Variants in KPNA7 observed in about 807,000 individuals in gnomAD.
The protein encoded by KPNA7 is importin subunit alpha-8.
In KPNA7, 54 loss-of-function variants were observed where a neutral mutation model predicts 53.7. The observed-to-expected ratio is 1.01, with a 90% CI of 0.81 to 1.26. The LOEUF (loss-of-function observed/expected upper bound fraction) is 1.26. Ranked by LOEUF, KPNA7 falls within the 50% of genes most tolerant of loss-of-function variation. The probability of loss-of-function intolerance (pLI) is 0.00; values close to 1 mark genes in which losing one functional copy is unlikely to be tolerated. For synonymous variants in KPNA7, 276 were observed against 259.3 expected, an observed-to-expected ratio of 1.06 and a Z score of -0.62; for missense variants, 640 against 644.5, an observed-to-expected ratio of 0.99 and a Z score of 0.07.
At chr7:99,178,171 G>T in intron 9 of KPNA7, 105 bp from the exon 10 acceptor site, 1 of 964,946 alleles carries the variant, frequency 1.0e-6, no homozygotes, top group Non-Finnish European at 1.5e-6. Flanking sequence ...GCAGACCAAA[G>T]GCTACCATTC....
rs1491290467 is a variant in KPNA7 at position 99,184,153 on chromosome 7, CCT to C, written c.1134+774_1134+775del. 6.0e-5 allele frequency among the ~76,000 whole-genome samples: 5 copies of C among 82,914 alleles called. No homozygotes were observed. The East Asian group carries it at 1.3e-3, about 22-fold the overall frequency. 54.4% of individuals were successfully genotyped at this position (82,914 alleles called of 152,430 possible). On this transcript the variant is annotated intron_variant, in intron 8 of 10. Coordinates refer to ENST00000327442, the MANE Select transcript of KPNA7 (RefSeq NM_001145715.3). ...CATAAGCCACTGTGCCTGCCCACAA[CCT>C]TTTTTTTTTTTTTTTTTGAGACAGG...
At chr7:99,155,413 T>G in the KPNA7 span, among the ~76,000 whole-genome samples, 1 of 152,234 alleles carries the variant, frequency 6.6e-6, no homozygotes, top group African/African-American at 2.4e-5. Flanking sequence ...TGTCTGTTGA[T>G]TCTATAAATG....
intron 2 of KPNA7, among the ~76,000 whole-genome samples, chr7:99,203,509 A>C (rs1790653480): frequency 1.3e-5 from 2 of 152,028 alleles, no homozygotes; most frequent in Non-Finnish European, 2.9e-5. Flanking sequence ...CAGCTATAAA[A>C]ACACCCCAGC....
intron 7 of KPNA7, among the ~76,000 whole-genome samples, chr7:99,187,564 T>G (rs1789664162): frequency 6.7e-6 from 1 of 148,442 alleles, no homozygotes; most frequent in South Asian, 2.1e-4. Flanking sequence ...AATTTTTTTT[T>G]TTTTTTTTTG....
At chr7:99,177,452 C>G (rs1317910754) in intron 10 of KPNA7, among the ~76,000 whole-genome samples, 1 of 151,720 alleles carries the variant, frequency 6.6e-6, no homozygotes, top group Non-Finnish European at 1.5e-5. Flanking sequence ...GTACATCTCT[C>G]TAATCCCAGC....
the KPNA7 span, among the ~76,000 whole-genome samples, chr7:99,152,843 G>A: frequency 4.5e-4 from 69 of 152,242 alleles, no homozygotes; most frequent in Non-Finnish European, 8.7e-4. Flanking sequence ...GAGGGCTGCC[G>A]TGCCTCTCTT....
intron 1 of KPNA7, among the ~76,000 whole-genome samples, 38 bp downstream of exon 1, chr7:99,207,990 A>G (rs1429180278): frequency 2.0e-5 from 3 of 151,596 alleles, no homozygotes; most frequent in Non-Finnish European, 4.4e-5. Flanking sequence ...ACCCATATAC[A>G]CAGCACAGAC....
At chr7:99,193,930 T>C (rs1790094984) in intron 5 of KPNA7, among the ~76,000 whole-genome samples, 1 of 152,158 alleles carries the variant, frequency 6.6e-6, no homozygotes, top group African/African-American at 2.4e-5. Context: ...CTCCCACCTC[T>C]GCCTCCTAAA....
At chr7:99,204,536 T>C (rs1441819138) in intron 2 of KPNA7, among the ~76,000 whole-genome samples, 1 of 152,198 alleles carries the variant, frequency 6.6e-6, no homozygotes, top group Non-Finnish European at 1.5e-5. Flanking sequence ...GAAGTCACCA[T>C]GTATTAGATA....
chr7:99,182,069 C>A lies in KPNA7; in HGVS notation c.1135-4G>T, dbSNP rs1405204999. 6.6e-7 allele frequency: 1 copy of A among 1,526,402 alleles called. No individual in the cohort carries two copies. Among genetic ancestry groups the A allele is most frequent in the Admixed American group, 2.1e-5 (1 of 48,690 alleles). The allele number at this position is 1,526,402 out of a possible 1,614,324, so 94.6% of individuals were successfully genotyped here. On this transcript the variant is annotated splice_polypyrimidine_tract_variant and splice_region_variant and intron_variant, in intron 8 of 10. Transcript: ENST00000327442. ...CTTTCTGGACTTTAAATTCTCCCTGCAGAACAAGAATGTTTCCATTCTCTA... is the reference window on the plus strand; with the variant it reads ...CTTTCTGGACTTTAAATTCTCCCTGAAGAACAAGAATGTTTCCATTCTCTA...
At chr7:99,171,097 G>A (rs1350387927), downstream of KPNA7, among the ~76,000 whole-genome samples, 2 of 152,176 alleles carry the variant, frequency 1.3e-5, no homozygotes, top group Admixed American at 6.6e-5. Flanking sequence ...GCGGGCGCCC[G>A]TGATCCCAGC....
chr7:99,203,275 A>T, intron 2 of KPNA7, 35 bp from the exon 3 acceptor site: 7 of 1,541,398 alleles, frequency 4.5e-6, no homozygotes, highest in Non-Finnish European at 6.1e-6. Context: ...ATTTAGAACC[A>T]GGAGTGGGGA....
the KPNA7 span, among the ~76,000 whole-genome samples, chr7:99,150,978 C>T: frequency 1.3e-5 from 2 of 152,146 alleles, no homozygotes; most frequent in African/African-American, 4.8e-5. Context: ...AAAGATTCCC[C>T]TACTACCAAG....
intron 1 of KPNA7, among the ~76,000 whole-genome samples, chr7:99,218,965 G>A (rs1447636006): frequency 6.6e-6 from 1 of 152,218 alleles, no homozygotes; most frequent in African/African-American, 2.4e-5. Context: ...ACCTGGCCAG[G>A]AGCCGCAGCC....
chr7:99,194,516 T>TG (rs1429747765), intron 5 of KPNA7, among the ~76,000 whole-genome samples: 2 of 152,208 alleles, frequency 1.3e-5, no homozygotes, highest in Admixed American at 6.6e-5. Flanking sequence ...ACCTTAGTGT[T>TG]GGCAGATGTC....
At chr7:99,145,971 G>A in the KPNA7 span, among the ~76,000 whole-genome samples, 3 of 152,200 alleles carry the variant, frequency 2.0e-5, no homozygotes, top group Non-Finnish European at 2.9e-5. Flanking sequence ...AGCAATAGCA[G>A]TAGAGCCACA....
chr7:99,196,166 C>G lies in KPNA7; in HGVS notation c.202G>C (p.Val68Leu). The G allele has an allele frequency of 6.4e-7, 1 of 1,551,094 alleles. No individual in the cohort carries two copies. Among genetic ancestry groups the G allele is most frequent in the South Asian group, 1.2e-5 (1 of 84,028 alleles). Residue 68 changes from valine to leucine, a missense_variant and splice_region_variant, in exon 4 of 11, where the codon GTC (valine) becomes CTC (leucine). Physicochemically the swap from Val to Leu is conservative, Grantham distance 32 (BLOSUM62 1). Transcript: ENST00000327442. Reference protein sequence around the residue: ...PSEKTAKGVAVSLTLGEIIKG... With the variant: ...PSEKTAKGVALSLTLGEIIKG... Reference sequence around the variant, plus strand: ...ATTATTTCACCCAGAGTGAGGCTGACCTGCAAGAAGAGACACATTCAGGTC... The same window carrying G: ...ATTATTTCACCCAGAGTGAGGCTGAGCTGCAAGAAGAGACACATTCAGGTC...
At chr7:99,178,269 ACATATAT>A (rs1798996565) in intron 9 of KPNA7, among the ~76,000 whole-genome samples, 1 of 152,154 alleles carries the variant, frequency 6.6e-6, no homozygotes, top group South Asian at 2.1e-4. Flanking sequence ...CGATATATAG[ACATATAT>A]CATAAATATA....
the KPNA7 span, among the ~76,000 whole-genome samples, chr7:99,164,764 C>T: frequency 8.3e-3 from 1,259 of 152,294 alleles, 20 homozygotes; most frequent in African/African-American, 0.029. Flanking sequence ...ATCAAAGACA[C>T]ATGAGCTATT....
Sources: allele counts gnomAD v4.1 joint callset (sites outside exome capture counted in the v4.1 genomes callset), GRCh38; gene constraint gnomAD v4.1.1; transcripts MANE v1.5; gene names NCBI Gene and HGNC (gene_info 2026-07-23, HGNC 2026-07-21).